INTS12: variants seen among roughly 807,000 people sequenced by gnomAD.
The protein encoded by INTS12 is PHD finger protein 22.
Under a neutral mutation model 41.6 loss-of-function variants are expected in INTS12, and 13 were observed. The ratio of observed to expected loss-of-function variants is 0.31; its 90% CI spans 0.20 to 0.50. The LOEUF (loss-of-function observed/expected upper bound fraction) is 0.50. Among genes scored for constraint, INTS12 ranks in the 20% least tolerant of loss-of-function variants. The pLI, the probability that INTS12 is intolerant of heterozygous loss-of-function variation, is 0.98. For synonymous variants in INTS12, 199 were observed against 191.4 expected, an observed-to-expected ratio of 1.04 and a Z score of -0.33; for missense variants, 432 against 541.6, an observed-to-expected ratio of 0.80 and a Z score of 2.01.
At chr4:105,708,433 C>T in intron 1 of INTS12, 3 of 985,454 alleles carry the variant, frequency 3.0e-6, no homozygotes, top group Middle Eastern at 5.2e-4. Flanking sequence ...CCGCATGTCC[C>T]GGCCCGCAAC....
rs200480077 is a variant in INTS12 at position 105,686,713 on chromosome 4, C to T, written c.783G>A (p.Ala261=). 34 of 1,612,436 alleles carry T rather than the reference C, an allele frequency of 2.1e-5. No individual in the cohort carries two copies. The highest frequency in any genetic ancestry group is 8.9e-5 in the East Asian group (4 of 44,810). Residue 261 remains alanine (A), a synonymous_variant, in exon 7 of 8, where the codon GCG becomes GCA. Coordinates refer to ENST00000340139, the MANE Select transcript of INTS12 (RefSeq NM_020395.4). ...TKLKQETTFL[A]FKRTEVKTST... ...ATACCTTGACTTCTGTTCTCTTAAACGCTAGAAAAGTTGTCTCTTGTTTCA... is the reference window on the plus strand; with the variant it reads ...ATACCTTGACTTCTGTTCTCTTAAATGCTAGAAAAGTTGTCTCTTGTTTCA...
intron 7 of INTS12, among the ~76,000 whole-genome samples, chr4:105,684,293 A>C (rs1462624532): frequency 6.6e-6 from 1 of 152,132 alleles, no homozygotes; most frequent in Non-Finnish European, 1.5e-5. Flanking sequence ...TGAACTTCTT[A>C]TTGACACCTT....
chr4:105,707,995 G>C (rs1282508331), intron 1 of INTS12: 1 of 985,304 alleles, frequency 1.0e-6, no homozygotes. Context: ...TGTTCACATA[G>C]AGTGCAGTAT....
At position 105,695,570 on chromosome 4, in the gene INTS12, C is replaced by T. The variant is rs1731831827; in HGVS notation, c.255G>A (p.Lys85=). 6.2e-7 allele frequency: 1 copy of T among 1,612,792 alleles called. No homozygotes were observed. Among genetic ancestry groups the T allele is most frequent in the Non-Finnish European group, 8.5e-7 (1 of 1,179,504 alleles). The stretch of plus-strand genomic sequence containing the variant: ...TCTTTACCTTTTCAGTTGTGAGGAC[C>T]TTGCCATTATTATTACCAGAAGGAA... ...SSLPSGNNNG[K]VLTTEKVKKE... Residue 85 remains lysine, a synonymous_variant, in exon 4 of 8, where the codon AAG becomes AAA. Transcript: ENST00000340139.
chr4:105,700,013 G>A lies in INTS12; in HGVS notation c.-8C>T, dbSNP rs148182120. 4.1e-4 allele frequency: 607 copies of A among 1,466,116 alleles called. 5 individuals carry two copies. In the East Asian group the frequency reaches 0.014, roughly 33 times the overall value. 90.8% of individuals were successfully genotyped at this position (1,466,116 alleles called of 1,614,324 possible). A position where few individuals can be genotyped will look rare whatever the true frequency, so the allele number is the denominator to read the frequency against. On this transcript the variant is annotated splice_region_variant and 5_prime_UTR_variant, in exon 3 of 8. Transcript: ENST00000340139. ...GTTCACAGTAGCAGCCATTGCAAAC[G>A]CCTGAAGGAAAAAAAGAGAAAGTAA...
At chr4:105,693,507 A>G (rs774652292) in intron 4 of INTS12, 21 bp from the exon 5 acceptor site, 1 of 1,591,536 alleles carries the variant, frequency 6.3e-7, no homozygotes, top group Non-Finnish European at 8.6e-7. Flanking sequence ...CAGGCATCAG[A>G]AAATGATAAA....
chr4:105,695,946 T>C (rs867701251), intron 3 of INTS12, among the ~76,000 whole-genome samples: 1 of 152,242 alleles, frequency 6.6e-6, no homozygotes, highest in South Asian at 2.1e-4. Flanking sequence ...CTCTGCCTCC[T>C]GGGTTCAAGT....
At chr4:105,686,922 T>C in intron 6 of INTS12, 84 bp from the exon 7 acceptor site, 1 of 1,161,566 alleles carries the variant, frequency 8.6e-7, no homozygotes, top group Non-Finnish European at 1.3e-6. Flanking sequence ...GACTCATCAC[T>C]GAAATGAAAT....
At chr4:105,708,138 G>A in intron 1 of INTS12, 1 of 985,384 alleles carries the variant, frequency 1.0e-6, no homozygotes, top group Non-Finnish European at 1.2e-6. Flanking sequence ...CTTGGTTCTG[G>A]ATAACACTGA....
At position 105,692,114 on chromosome 4, in the gene INTS12, G is replaced by C. The variant is rs766959813; in HGVS notation, c.519C>G (p.Gly173=). Residue 173 remains glycine (G), a synonymous_variant, in exon 6 of 8, where the codon GGC becomes GGG. Transcript: ENST00000340139. ...ACTCCTGACATTCTACTAATTGATT[G>C]CCAGATGCCACCATCATTTGCCTAA... ...VVCRQMMVAS[G]NQLVECQECH... is the part of the protein sequence containing the mutation. 11 of 1,610,302 alleles carry C rather than the reference G, an allele frequency of 6.8e-6. No individual in the cohort carries two copies. The East Asian group carries it at 2.0e-4, about 29-fold the overall frequency.
chr4:105,686,677 T>C lies in INTS12; in HGVS notation c.804+15A>G. ...TTTAAGATATAATCTTAGATAAAAATAGAATCTACTATACCTTGACTTCTG... is the reference window on the plus strand; with the variant it reads ...TTTAAGATATAATCTTAGATAAAAACAGAATCTACTATACCTTGACTTCTG... On this transcript the variant is annotated intron_variant, in intron 7 of 7. Coordinates refer to ENST00000340139, the MANE Select transcript of INTS12 (RefSeq NM_020395.4). 1.9e-6 allele frequency: 3 copies of C among 1,565,732 alleles called. No homozygotes were observed. Among genetic ancestry groups the C allele is most frequent in the Non-Finnish European group, 8.6e-7 (1 of 1,157,464 alleles).
intron 6 of INTS12, among the ~76,000 whole-genome samples, chr4:105,688,218 T>C (rs560398107): frequency 6.6e-6 from 1 of 152,190 alleles, no homozygotes; most frequent in Non-Finnish European, 1.5e-5. Flanking sequence ...GAAAAATCCA[T>C]GCATACTGAA....
intron 1 of INTS12, among the ~76,000 whole-genome samples, chr4:105,704,950 C>G (rs1236990592): frequency 6.6e-6 from 1 of 152,188 alleles, no homozygotes; most frequent in Non-Finnish European, 1.5e-5. Flanking sequence ...ATCAGTCTCC[C>G]ACAATCACTC....
rs540870884 is a variant in INTS12, at chr4:105,685,099, A to G, written c.804+1593T>C. ...ATTTCTCAAGTTTTTAACTATAAATATTTTCTTGCCTATTTGCTAGATGGG... is the reference window on the plus strand; with the variant it reads ...ATTTCTCAAGTTTTTAACTATAAATGTTTTCTTGCCTATTTGCTAGATGGG... On this transcript the variant is annotated intron_variant, in intron 7 of 7. Transcript: ENST00000340139. Among the ~76,000 whole-genome samples, 5 of 152,166 alleles carry G rather than the reference A, an allele frequency of 3.3e-5. No homozygotes were observed. The South Asian group carries it at 1.0e-3, about 32-fold the overall frequency.
chr4:105,708,202 C>G, intron 1 of INTS12: 2 of 985,474 alleles, frequency 2.0e-6, no homozygotes, highest in Non-Finnish European at 2.4e-6. Context: ...CCAAACCAAT[C>G]AAGTGGCTGA....
chr4:105,700,578 C>T (rs1344616656), intron 2 of INTS12, among the ~76,000 whole-genome samples: 1 of 151,314 alleles, frequency 6.6e-6, no homozygotes, highest in African/African-American at 2.4e-5. Context: ...GTTCTCTGCC[C>T]CAACCCTAAA....
chr4:105,708,604 G>A (rs1732392572), intron 1 of INTS12, 34 bp downstream of exon 1: 10 of 984,980 alleles, frequency 1.0e-5, no homozygotes, highest in Non-Finnish European at 1.2e-5. Context: ...GAGCCTCCAG[G>A]AGGCCAGGAG....
intron 1 of INTS12, among the ~76,000 whole-genome samples, chr4:105,707,316 AT>A (rs34994709): frequency 0.021 from 2,912 of 140,404 alleles, 29 homozygotes; most frequent in East Asian, 0.073. Flanking sequence ...CCCTTGAAGC[AT>A]TTTTTTTTTT....
intron 3 of INTS12, 49 bp from the exon 4 acceptor site, chr4:105,695,717 C>A (rs1303448499): frequency 2.8e-6 from 4 of 1,415,706 alleles, no homozygotes; most frequent in Non-Finnish European, 3.9e-6. Context: ...GACTGATCAT[C>A]ATAAAAAAAG....
Sources: allele counts gnomAD v4.1 joint callset (sites outside exome capture counted in the v4.1 genomes callset), GRCh38; gene constraint gnomAD v4.1.1; transcripts MANE v1.5; gene names NCBI Gene and HGNC (gene_info 2026-07-23, HGNC 2026-07-21).